The following BPIFC variants were observed in gnomAD, a reference collection of about 807,000 sequenced individuals.
The protein encoded by BPIFC is BPI fold-containing family C protein.
A neutral mutation model predicts 57.6 loss-of-function variants in BPIFC; 60 were observed. That is an observed-to-expected ratio of 1.04 (90% CI 0.85 to 1.29). BPIFC has a LOEUF of 1.29. BPIFC is among the 50% of genes most tolerant of loss of function. The probability of loss-of-function intolerance (pLI) is 0.00; values close to 1 mark genes in which losing one functional copy is unlikely to be tolerated. For missense variants in BPIFC, 581 were observed against 600.5 expected (o/e 0.97, Z 0.34); for synonymous variants, 243 against 224.5 (o/e 1.08, Z -0.74).
In BPIFC at chr22:32,445,536, C is replaced by CA. The variant is rs1373023233; in HGVS notation, c.594+98dup. On this transcript the variant is annotated intron_variant, in intron 7 of 16. Transcript: ENST00000300399. ...TGGGCGACAGAGCGAGACTCTGTCT[C>CA]AAAAAAACAAACAAACAAACAAAAA... 1.2e-5 allele frequency: 16 copies of CA among 1,305,392 alleles called. No homozygotes were observed. In the East Asian group the frequency reaches 2.8e-4, roughly 23 times the overall value. 80.9% of individuals were successfully genotyped at this position (1,305,392 alleles called of 1,614,324 possible).
rs1157006682 is a variant in BPIFC at position 32,424,672 on chromosome 22, T to C, written c.1218-5268A>G. On this transcript the variant is annotated intron_variant, in intron 13 of 16. Transcript: ENST00000300399. ...CTTCTTCTTCTTCTTCTTCTTCTTC[T>C]TCTTCTTCTTCTTCTTCTTCCTCTT... is the stretch of plus-strand genomic sequence containing the variant. Among the ~76,000 whole-genome samples the C allele has an allele frequency of 8.6e-3, 744 of 86,862 alleles. 139 individuals carry two copies. The East Asian group carries it at 0.095, about 11-fold the overall frequency. The allele number at this position is 86,862 out of a possible 152,430, so 57.0% of individuals were successfully genotyped here.
In BPIFC at chr22:32,434,104, G is replaced by A. The variant is rs537898570; in HGVS notation, c.925-332C>T. Among the ~76,000 whole-genome samples the A allele has an allele frequency of 2.3e-3, 330 of 141,988 alleles. 2 individuals carry two copies. Among genetic ancestry groups the A allele is most frequent in the African/African-American group, 8.1e-3 (315 of 38,932 alleles). The allele number at this position is 141,988 out of a possible 152,430, so 93.1% of individuals were successfully genotyped here. A position where few individuals can be genotyped will look rare whatever the true frequency, so the allele number is the denominator to read the frequency against. On this transcript the variant is annotated intron_variant, in intron 10 of 16. Transcript: ENST00000300399. ...TAGTTATATATATATATATCTATAT[G>A]TACATATTCTTTATTTTTATATATT...
intron 2 of BPIFC, among the ~76,000 whole-genome samples, chr22:32,460,817 A>G (rs1935144925): frequency 1.3e-5 from 2 of 152,168 alleles, no homozygotes; most frequent in Admixed American, 1.3e-4. Context: ...CTTCCCTACC[A>G]GAATATAAGT....
chr22:32,443,350 A>C (rs1257285976), intron 7 of BPIFC, among the ~76,000 whole-genome samples: 1 of 151,988 alleles, frequency 6.6e-6, no homozygotes, highest in African/African-American at 2.4e-5. Context: ...TTTTTAGTAG[A>C]GACGGGGTTT....
At chr22:32,416,196 C>T (rs1933671469) in intron 15 of BPIFC, among the ~76,000 whole-genome samples, 1 of 151,806 alleles carries the variant, frequency 6.6e-6, no homozygotes, top group Non-Finnish European at 1.5e-5. Context: ...TCTCCTGCCT[C>T]AGCCTCCCGA....
intron 11 of BPIFC, among the ~76,000 whole-genome samples, chr22:32,433,435 TAATA>T (rs149249088): frequency 0.063 from 9,534 of 152,292 alleles, 474 homozygotes; most frequent in East Asian, 0.3. Context: ...TCATTTCCAC[TAATA>T]AATCCTTTAT....
At position 32,447,319 on chromosome 22, in the gene BPIFC, T is replaced by A. The variant is rs1934757711; in HGVS notation, c.267A>T (p.Ser89=). ...CAAAAGCCAATGAGGTATTTGGAAA[T>A]GAAAAGGCACTGATTTTTATACTGT... is the stretch of plus-strand genomic sequence containing the variant. ...NFSNIKISAF[S]FPNTSLAFVP... Residue 89 remains serine, a synonymous_variant, in exon 5 of 17, where the codon TCA becomes TCT. Coordinates refer to ENST00000300399, the MANE Select transcript of BPIFC (RefSeq NM_174932.3). 2 of 1,613,600 alleles carry A rather than the reference T, an allele frequency of 1.2e-6. No individual in the cohort carries two copies. The highest frequency in any genetic ancestry group is 1.7e-6 in the Non-Finnish European group (2 of 1,179,920).
chr22:32,424,666 TTCTTCTTCTTCTTCTTCTTCTTCTTCC>T (rs1569448022), intron 13 of BPIFC, among the ~76,000 whole-genome samples: 4 of 70,842 alleles, frequency 5.6e-5, no homozygotes, highest in Non-Finnish European at 2.5e-5. Context: ...CTTCTTCTTC[TTCTTCTTCTTCTTCTTCTTCTTCTTCC>T]TCTTCTTCTT....
At chr22:32,422,733 A>T (rs1262442247) in intron 13 of BPIFC, among the ~76,000 whole-genome samples, 2 of 152,004 alleles carry the variant, frequency 1.3e-5, no homozygotes, top group African/African-American at 2.4e-5. Context: ...GTGCGAAAAG[A>T]TGAAGAAACC....
chr22:32,426,892 A>G (rs964783668), intron 13 of BPIFC, among the ~76,000 whole-genome samples: 1 of 61,724 alleles, frequency 1.6e-5, no homozygotes, highest in African/African-American at 7.1e-5. Context: ...ACTCTGTCTG[A>G]AAAAAAAAAA....
intron 15 of BPIFC, 24 bp from the exon 16 acceptor site, chr22:32,416,015 A>G: frequency 6.7e-7 from 1 of 1,495,922 alleles, no homozygotes; most frequent in Non-Finnish European, 9.1e-7. Context: ...CAAGACGTAA[A>G]ACAATTGGGC....
At chr22:32,423,705 A>T (rs1424234135) in intron 13 of BPIFC, among the ~76,000 whole-genome samples, 1 of 151,862 alleles carries the variant, frequency 6.6e-6, no homozygotes, top group Non-Finnish European at 1.5e-5. Context: ...TAAGTTATAG[A>T]TGGCTCAACA....
At chr22:32,415,830 A>C in intron 16 of BPIFC, 85 bp downstream of exon 16, 1 of 945,620 alleles carries the variant, frequency 1.1e-6, no homozygotes, top group South Asian at 2.2e-5. Context: ...ACAAACAACA[A>C]CAACAAAAAC....
intron 4 of BPIFC, among the ~76,000 whole-genome samples, chr22:32,448,110 C>T (rs1934781343): frequency 6.6e-6 from 1 of 151,684 alleles, no homozygotes. Context: ...GCTCTGTCAC[C>T]CAGGCTGGAG....
rs1254380598 is a variant in BPIFC at position 32,436,777 on chromosome 22, C to A, written c.748-897G>T. On this transcript the variant is annotated intron_variant, in intron 9 of 16. Transcript: ENST00000300399. ...TGTGTCTGCTGAGTACCTGGGGAAT[C>A]ATAGAAAGAAGACCCAAGACTCCAA... is the stretch of plus-strand genomic sequence containing the variant. 2.0e-5 allele frequency among the ~76,000 whole-genome samples: 3 copies of A among 152,288 alleles called. No individual in the cohort carries two copies. In the East Asian group the frequency reaches 5.8e-4, roughly 29 times the overall value.
At position 32,447,246 on chromosome 22, in the gene BPIFC, T is replaced by C. The variant is rs1934754654; in HGVS notation, c.340A>G (p.Ile114Val). ...GACTCGAACCCCCAGTCTGTGCTGA[T>C]GTTGGCAGTGCCATGGTTGGTTAGC... ...KALTNHGTAN[I>V]STDWGFESPL... The change falls in exon 5 of 17, where the codon ATC (isoleucine) becomes GTC (valine). Residue 114 changes from isoleucine to valine, a missense_variant. Transcript: ENST00000300399. The C allele has an allele frequency of 1.9e-6, 3 of 1,613,902 alleles. No homozygotes were observed. Among genetic ancestry groups the C allele is most frequent in the South Asian group, 1.1e-5 (1 of 91,066 alleles).
At chr22:32,435,585 G>C (rs769027829) in intron 10 of BPIFC, 119 bp downstream of exon 10, 1 of 982,132 alleles carries the variant, frequency 1.0e-6, no homozygotes, top group Non-Finnish European at 1.5e-6. Context: ...TGTCTTGCTG[G>C]GAGTGATAGC....
At chr22:32,464,306 A>G (rs1283675384) in intron 1 of BPIFC, 68 bp downstream of exon 1, 2 of 776,328 alleles carry the variant, frequency 2.6e-6, no homozygotes. Flanking sequence ...GTGTCCTACC[A>G]AATCTGGGAC....
chr22:32,462,168 C>CAAAAAAAAA (rs35716277), intron 1 of BPIFC, among the ~76,000 whole-genome samples: 64 of 53,512 alleles, frequency 1.2e-3, no homozygotes, highest in East Asian at 2.0e-3. Context: ...GACTCCATCT[C>CAAAAAAAAA]AAAAAAAAAA....
Sources: allele counts gnomAD v4.1 joint callset (sites outside exome capture counted in the v4.1 genomes callset), GRCh38; gene constraint gnomAD v4.1.1; transcripts MANE v1.5; gene names NCBI Gene and HGNC (gene_info 2026-07-23, HGNC 2026-07-21).